The following TPD52L2 variants were observed in gnomAD, a reference collection of about 807,000 sequenced individuals.
TPD52L2 encodes the protein TPD52 like 2.
TPD52L2 carries 19 observed loss-of-function variants against 24.7 expected under a neutral mutation model. The observed-to-expected ratio is 0.77, with a 90% CI of 0.54 to 1.13. The LOEUF is 1.13. Among genes scored for constraint, TPD52L2 ranks in the 50% most tolerant of loss-of-function variants. The pLI, the probability that TPD52L2 is intolerant of heterozygous loss-of-function variation, is 0.00. For missense variants in TPD52L2, 236 were observed against 250.4 expected (o/e 0.94, Z 0.39); for synonymous variants, 104 against 100.2 (o/e 1.04, Z -0.23).
At chr20:63,875,685 T>C (rs182999848) in intron 3 of TPD52L2, 131 bp from the exon 4 acceptor site, 2 of 873,214 alleles carry the variant, frequency 2.3e-6, no homozygotes, top group Admixed American at 2.2e-5. Context: ...GACCCCATTT[T>C]TGGGCCGTCT....
At chr20:63,883,429 G>A (rs2052972799) in intron 5 of TPD52L2, among the ~76,000 whole-genome samples, 1 of 152,230 alleles carries the variant, frequency 6.6e-6, no homozygotes, top group South Asian at 2.1e-4. Context: ...ACAGCATGGT[G>A]ATGAGGGGAT....
chr20:63,881,647 G>A (rs369433607), intron 4 of TPD52L2, among the ~76,000 whole-genome samples: 221 of 152,336 alleles, frequency 1.5e-3, no homozygotes, highest in African/African-American at 5.0e-3. Context: ...CATCCCAGAT[G>A]CCACTCAGGG....
intron 3 of TPD52L2, among the ~76,000 whole-genome samples, chr20:63,874,252 G>GTC (rs1295753122): frequency 6.8e-6 from 1 of 147,440 alleles, no homozygotes; most frequent in East Asian, 2.2e-4. Flanking sequence ...GTGTGTGTGT[G>GTC]TGTGTTTTTA....
At chr20:63,886,651 T>A (rs1203928381) in intron 5 of TPD52L2, among the ~76,000 whole-genome samples, 1 of 128,438 alleles carries the variant, frequency 7.8e-6, no homozygotes, top group East Asian at 2.6e-4. Flanking sequence ...GCCCGGCCTT[T>A]TTTTTCTTTT....
chr20:63,874,652 C>T (rs979412218), intron 3 of TPD52L2, among the ~76,000 whole-genome samples: 3 of 152,118 alleles, frequency 2.0e-5, no homozygotes, highest in Non-Finnish European at 2.9e-5. Flanking sequence ...TGGGATTACA[C>T]GTGTGAGCCA....
At chr20:63,868,895 C>T (rs1175001207) in intron 1 of TPD52L2, among the ~76,000 whole-genome samples, 1 of 152,036 alleles carries the variant, frequency 6.6e-6, no homozygotes, top group East Asian at 1.9e-4. Flanking sequence ...GAGCTGAGAT[C>T]GCACCATTGC....
intron 1 of TPD52L2, 23 bp downstream of exon 1, chr20:63,865,407 T>C (rs2052174490): frequency 1.3e-6 from 2 of 1,527,814 alleles, no homozygotes; most frequent in African/African-American, 2.8e-5. Context: ...CCCGGCCCCT[T>C]CGCCGCAGAT....
intron 1 of TPD52L2, among the ~76,000 whole-genome samples, chr20:63,868,435 G>A (rs954292906): frequency 1.4e-4 from 22 of 152,108 alleles, no homozygotes; most frequent in African/African-American, 2.9e-4. Context: ...GCAGCACACC[G>A]CTCTGCACCT....
intron 1 of TPD52L2, among the ~76,000 whole-genome samples, chr20:63,866,673 A>G (rs1319735408): frequency 6.7e-6 from 1 of 149,404 alleles, no homozygotes. Context: ...GTTAGCCATG[A>G]CGGTCTTGAT....
At chr20:63,885,405 T>A (rs1201098315) in intron 5 of TPD52L2, among the ~76,000 whole-genome samples, 1 of 152,238 alleles carries the variant, frequency 6.6e-6, no homozygotes, top group Non-Finnish European at 1.5e-5. Context: ...GCTCCCTCCA[T>A]GTCAGAGTGG....
chr20:63,871,116 C>A (rs977166085), intron 2 of TPD52L2, among the ~76,000 whole-genome samples: 11 of 152,166 alleles, frequency 7.2e-5, no homozygotes, highest in African/African-American at 2.7e-4. Context: ...GATCTCAGCT[C>A]ACTGGAGCCT....
intron 5 of TPD52L2, among the ~76,000 whole-genome samples, chr20:63,885,810 T>A (rs1364887585): frequency 2.0e-5 from 3 of 152,092 alleles, no homozygotes. Context: ...TCCTGTTGAG[T>A]CAGGACTTGA....
At chr20:63,887,376 A>G (rs3795156) in intron 5 of TPD52L2, 364,703 of 740,436 alleles carry the variant, frequency 0.49, 96,368 homozygotes, top group East Asian at 0.85. Context: ...GGTGCCCCCC[A>G]TGAGGCCAAG....
chr20:63,871,270 G>T (rs181233332), intron 2 of TPD52L2, among the ~76,000 whole-genome samples: 269 of 150,858 alleles, frequency 1.8e-3, no homozygotes, highest in African/African-American at 6.3e-3. Context: ...CCCGAACTCC[G>T]AGTCTCAAGA....
intron 2 of TPD52L2, 57 bp from the exon 3 acceptor site, chr20:63,873,611 A>G: frequency 6.3e-7 from 1 of 1,591,258 alleles, no homozygotes. Context: ...GTGCATGAGG[A>G]TGTTAGTCAC....
chr20:63,873,724 T>A lies in TPD52L2; in HGVS notation c.222T>A (p.Cys74Ter). 6.2e-7 allele frequency: 1 copy of A among 1,610,650 alleles called. No individual in the cohort carries two copies. Among genetic ancestry groups the A allele is most frequent in the Non-Finnish European group, 8.5e-7 (1 of 1,178,904 alleles). The part of the protein sequence containing the change: ...RQVLAAKERH[C>*]GELKRRLGLS... The stretch of plus-strand genomic sequence containing the variant: ...TCCTGGCAGCCAAGGAGAGGCACTG[T>A]GGAGAGCTCAAGAGGAGGCTGGGCC... Residue 74 changes from cysteine to a stop codon, truncating the protein, a stop_gained, in exon 3 of 7, where the codon TGT (cysteine) becomes TGA (stop). Transcript: ENST00000346249. LOFTEE classifies it high-confidence loss of function.
In TPD52L2 at chr20:63,877,971, C is replaced by T. The variant is rs953259437; in HGVS notation, c.374+2096C>T. On this transcript the variant is annotated intron_variant, in intron 4 of 6. Transcript: ENST00000346249. The surrounding 1 kb of genome is among the most constrained non-coding windows in gnomAD (Gnocchi z 4.1). ...TGGTTTCTGCCGGGACGGCCGAGGC[C>T]GAGGGCGGTGGTTTCTGCCGGGACG... Among the ~76,000 whole-genome samples the T allele has an allele frequency of 9.2e-5, 14 of 152,320 alleles. 1 individual carries two copies. The highest frequency in any genetic ancestry group is 1.4e-4 in the African/African-American group (6 of 41,584).
At chr20:63,870,449 A>G (rs1213177068) in intron 2 of TPD52L2, among the ~76,000 whole-genome samples, 1 of 151,964 alleles carries the variant, frequency 6.6e-6, no homozygotes, top group Admixed American at 6.6e-5. Context: ...TTTCCATTTA[A>G]CTTCAGAATA....
At chr20:63,884,069 C>G (rs1199103912) in intron 5 of TPD52L2, among the ~76,000 whole-genome samples, 1 of 152,212 alleles carries the variant, frequency 6.6e-6, no homozygotes, top group Non-Finnish European at 1.5e-5. Flanking sequence ...ACCTTCCCAT[C>G]CCTGCAACTT....
Sources: allele counts gnomAD v4.1 joint callset (sites outside exome capture counted in the v4.1 genomes callset), GRCh38; gene constraint gnomAD v4.1.1; non-coding constraint Gnocchi (gnomAD v3.1); transcripts MANE v1.5; gene names NCBI Gene and HGNC (gene_info 2026-07-23, HGNC 2026-07-21).